The following CEP112 variants were observed in gnomAD, a reference collection of about 807,000 sequenced individuals.
The protein encoded by CEP112 is centrosomal protein 112, also known as centrosomal protein of 112 kDa.
In CEP112, 127 loss-of-function variants were observed where a neutral mutation model predicts 153.0. That is an observed-to-expected ratio of 0.83 (90% confidence interval 0.72 to 0.96). The LOEUF (loss-of-function observed/expected upper bound fraction) is 0.96, where lower values mean the gene tolerates loss of function less well. Among genes scored for constraint, CEP112 ranks in the 40% least tolerant of loss-of-function variants. The pLI is 0.00. For missense variants in CEP112, 1,089 were observed against 1,101.2 expected (o/e 0.99, Z 0.16); for synonymous variants, 358 against 374.4 (o/e 0.96, Z 0.51).
chr17:65,698,316 C>T (rs538642736), intron 23 of CEP112, among the ~76,000 whole-genome samples: 4 of 152,272 alleles, frequency 2.6e-5, no homozygotes, highest in Non-Finnish European at 5.9e-5. Context: ...AATACTGTGG[C>T]CACTATATAA....
intron 17 of CEP112, among the ~76,000 whole-genome samples, chr17:65,995,119 G>A (rs749535499): frequency 1.4e-5 from 2 of 142,050 alleles, no homozygotes; most frequent in Non-Finnish European, 3.0e-5. Flanking sequence ...GTCCCATGTT[G>A]TTAGGGATTA....
At chr17:66,134,361 T>C (rs1234540681) in intron 4 of CEP112, among the ~76,000 whole-genome samples, 2 of 152,164 alleles carry the variant, frequency 1.3e-5, no homozygotes, top group Non-Finnish European at 2.9e-5. Context: ...ATGCTCTAAC[T>C]TGTCATATAT....
intron 24 of CEP112, among the ~76,000 whole-genome samples, chr17:65,651,334 G>C (rs969684283): frequency 2.2e-4 from 33 of 152,142 alleles, no homozygotes; most frequent in Non-Finnish European, 7.3e-5. Flanking sequence ...TCCACTCATT[G>C]ATTGATGGAC....
At chr17:66,060,826 A>T (rs922847210) in intron 11 of CEP112, among the ~76,000 whole-genome samples, 2 of 152,062 alleles carry the variant, frequency 1.3e-5, no homozygotes, top group East Asian at 3.9e-4. Context: ...ATAGAGGAAA[A>T]GCTCCATGAC....
chr17:65,769,037 C>G (rs1431166323), intron 21 of CEP112, among the ~76,000 whole-genome samples: 1 of 151,914 alleles, frequency 6.6e-6, no homozygotes, highest in African/African-American at 2.4e-5. Context: ...TGAAAAATCC[C>G]AAAGATTGCA....
chr17:65,863,291 A>G (rs945791626), intron 20 of CEP112, among the ~76,000 whole-genome samples: 20 of 152,358 alleles, frequency 1.3e-4, no homozygotes, highest in African/African-American at 4.1e-4. Context: ...AAAGAATTTA[A>G]CCTTAAAAGA....
intron 16 of CEP112, among the ~76,000 whole-genome samples, chr17:66,022,090 C>T (rs1380920060): frequency 6.6e-6 from 1 of 152,154 alleles, no homozygotes; most frequent in Non-Finnish European, 1.5e-5. Context: ...TGTGAGCCTG[C>T]TTACCTTCCA....
chr17:65,760,921 G>A (rs1020975939), intron 21 of CEP112, among the ~76,000 whole-genome samples: 1 of 151,954 alleles, frequency 6.6e-6, no homozygotes, highest in African/African-American at 2.4e-5. Context: ...TTATTGATTC[G>A]ATTGCCTTAA....
At chr17:65,678,986 T>C (rs980160116) in intron 24 of CEP112, among the ~76,000 whole-genome samples, 3 of 152,150 alleles carry the variant, frequency 2.0e-5, no homozygotes, top group Non-Finnish European at 4.4e-5. Flanking sequence ...TGTATGGTTT[T>C]TAGTGAGGGT....
Position 65,689,149 on chromosome 17 carries a change from C to G in CEP112, c.2677G>C (p.Glu893Gln), listed in dbSNP as rs1433223432. The G allele has an allele frequency of 2.5e-6, 4 of 1,612,582 alleles. No homozygotes were observed. The South Asian group carries it at 4.4e-5, about 18-fold the overall frequency. ...RCAEKKLQHK[E>Q]LESQEQITYI... ...GGTACCTGTTCCTGTGACTCCAATTCTTTGTGTTGTAATTTTTTCTCTGCA... is the reference window on the plus strand; with the variant it reads ...GGTACCTGTTCCTGTGACTCCAATTGTTTGTGTTGTAATTTTTTCTCTGCA... The change falls in exon 24 of 27, where the codon GAA (glutamate) becomes CAA (glutamine). Residue 893 changes from glutamate (E) to glutamine (Q), a missense_variant. By Grantham distance (29) the Glu-to-Gln change is conservative. Coordinates refer to ENST00000535342, the MANE Select transcript of CEP112 (RefSeq NM_001199165.4).
At chr17:65,970,734 A>G (rs569595971) in intron 17 of CEP112, among the ~76,000 whole-genome samples, 1 of 66,496 alleles carries the variant, frequency 1.5e-5, no homozygotes, top group Non-Finnish European at 3.1e-5. Flanking sequence ...TATCACATGC[A>G]TGTGTTAATA....
At chr17:66,136,807 T>C (rs1164380784) in intron 4 of CEP112, among the ~76,000 whole-genome samples, 4 of 152,098 alleles carry the variant, frequency 2.6e-5, no homozygotes, top group African/African-American at 9.7e-5. Flanking sequence ...TATTTAGAAA[T>C]TTACACACAG....
At chr17:65,863,747 C>CA (rs1181635579) in intron 20 of CEP112, among the ~76,000 whole-genome samples, 1 of 51,266 alleles carries the variant, frequency 2.0e-5, no homozygotes, top group African/African-American at 6.2e-5. Context: ...AAGACTCTGT[C>CA]TCAAAAAAAA....
intron 18 of CEP112, among the ~76,000 whole-genome samples, chr17:65,929,086 C>A (rs968864080): frequency 7.2e-5 from 11 of 152,092 alleles, no homozygotes; most frequent in Non-Finnish European, 7.4e-5. Context: ...TATGGTGTTT[C>A]TTTGGGGGAA....
Position 65,752,597 on chromosome 17 carries a change from G to T in CEP112, c.2395-1873C>A, listed in dbSNP as rs971306766. ...AGGGATAGGGATGGGGGCAGTCTTG[G>T]GATAAAATCTGGGCCATCTGTCCCA... On this transcript the variant is annotated intron_variant, in intron 21 of 26. Coordinates refer to ENST00000535342, the MANE Select transcript of CEP112 (RefSeq NM_001199165.4). Among the ~76,000 whole-genome samples, 8 of 152,138 alleles carry T rather than the reference G, an allele frequency of 5.3e-5. 1 individual carries two copies. Among genetic ancestry groups the T allele is most frequent in the Non-Finnish European group, 1.5e-5 (1 of 68,022 alleles).
chr17:65,921,893 T>C (rs145820927), intron 19 of CEP112, among the ~76,000 whole-genome samples: 1 of 149,736 alleles, frequency 6.7e-6, no homozygotes, highest in Non-Finnish European at 1.5e-5. Context: ...ATTTATATAT[T>C]TTTTTTACAT....
At chr17:65,709,539 C>T (rs2049074551) in intron 23 of CEP112, among the ~76,000 whole-genome samples, 1 of 152,134 alleles carries the variant, frequency 6.6e-6, no homozygotes. Flanking sequence ...GGGGGAACTG[C>T]CCCCATGATT....
chr17:66,120,318 G>C (rs553353483), intron 6 of CEP112, among the ~76,000 whole-genome samples: 1 of 151,714 alleles, frequency 6.6e-6, no homozygotes, highest in Non-Finnish European at 1.5e-5. Flanking sequence ...CTCCTGCTTC[G>C]GCCTCCCATG....
intron 23 of CEP112, among the ~76,000 whole-genome samples, chr17:65,698,437 T>TTTAGGTCTTAAAGGTC (rs1419333301): frequency 6.6e-6 from 1 of 152,234 alleles, no homozygotes; most frequent in African/African-American, 2.4e-5. Context: ...AAGGACTTCC[T>TTTAGGTCTTAAAGGTC]TTAAAGGTCT....
Sources: gnomAD v4.1 joint callset for allele counts (sites outside exome capture counted in the v4.1 genomes callset) on GRCh38, gnomAD v4.1.1 for gene constraint, MANE v1.5 for transcripts, NCBI Gene and HGNC (gene_info 2026-07-23, HGNC 2026-07-21) for gene names.